The following FHIT variants were observed in gnomAD, a reference collection of about 807,000 sequenced individuals.
FHIT encodes fragile histidine triad diadenosine triphosphatase.
In FHIT, 19 loss-of-function variants were observed where a neutral mutation model predicts 17.9. The ratio of observed to expected loss-of-function variants is 1.06; its 90% CI spans 0.74 to 1.56. The LOEUF is 1.56. Ranked by LOEUF, FHIT falls within the 40% of genes most tolerant of loss-of-function variation. The pLI is 0.00. For missense variants in FHIT, 248 were observed against 189.2 expected, an observed-to-expected ratio of 1.31 and a Z score of -1.82; for synonymous variants, 81 against 69.7, an observed-to-expected ratio of 1.16 and a Z score of -0.81.
At chr3:60,885,590 G>C (rs1705188183) in intron 3 of FHIT, among the ~76,000 whole-genome samples, 2 of 152,086 alleles carry the variant, frequency 1.3e-5, no homozygotes, top group Admixed American at 1.3e-4. Context: ...CAGTCTCCCA[G>C]CCAAGGTCTA....
At chr3:60,632,210 G>C (rs2039463492) in intron 4 of FHIT, among the ~76,000 whole-genome samples, 2 of 152,026 alleles carry the variant, frequency 1.3e-5, no homozygotes, top group South Asian at 4.1e-4. Flanking sequence ...GTTCCTCTAA[G>C]AGTGGTTAGT....
At position 60,123,983 on chromosome 3, in the gene FHIT, T is replaced by TAC. The variant is rs1559653350; in HGVS notation, c.104-109832_104-109831insGT. 4.5e-4 allele frequency among the ~76,000 whole-genome samples: 18 copies of TAC among 40,002 alleles called. 1 individual carries two copies. Among genetic ancestry groups the TAC allele is most frequent in the African/African-American group, 1.6e-3 (17 of 10,570 alleles). 26.2% of individuals were successfully genotyped at this position (40,002 alleles called of 152,430 possible). ...TGCACTAAAAATATATATATATATA[T>TAC]ATATATATATATATATATATATATA... On this transcript the variant is annotated intron_variant, in intron 5 of 9. Coordinates refer to ENST00000492590, the MANE Select transcript of FHIT (RefSeq NM_002012.4).
rs1258839522 is a variant in FHIT at position 59,924,998 on chromosome 3, T to C, written c.280-2584A>G. 2.0e-5 allele frequency among the ~76,000 whole-genome samples: 3 copies of C among 150,360 alleles called. No individual in the cohort carries two copies. The East Asian group carries it at 6.7e-4, about 33-fold the overall frequency. ...CCCTACTGCATTATGTGTAGACTCT[T>C]TGTCTCTTTTCTTGTTTTTTCCTCT... On this transcript the variant is annotated intron_variant, in intron 7 of 9. Transcript: ENST00000492590.
intron 8 of FHIT, among the ~76,000 whole-genome samples, chr3:59,920,046 G>C (rs1329230564): frequency 1.3e-5 from 2 of 152,178 alleles, no homozygotes; most frequent in African/African-American, 2.4e-5. Context: ...TGGAAAGAAT[G>C]GTAGATGGGA....
At chr3:59,784,359 A>T (rs2106895551) in intron 8 of FHIT, among the ~76,000 whole-genome samples, 1 of 152,310 alleles carries the variant, frequency 6.6e-6, no homozygotes, top group East Asian at 1.9e-4. Context: ...TTGAAATGCA[A>T]ATCAGATGGT....
chr3:60,295,832 G>C (rs535382460), intron 5 of FHIT, among the ~76,000 whole-genome samples: 5 of 152,230 alleles, frequency 3.3e-5, no homozygotes, highest in South Asian at 2.1e-4. Flanking sequence ...TAACGCAGCT[G>C]GGCATACATA....
intron 5 of FHIT, among the ~76,000 whole-genome samples, chr3:60,024,746 A>C (rs145869430): frequency 1.9e-4 from 29 of 152,380 alleles, no homozygotes; most frequent in African/African-American, 6.5e-4. Flanking sequence ...GGTGGCTGTG[A>C]ACTAGGCCCA....
intron 5 of FHIT, among the ~76,000 whole-genome samples, chr3:60,328,775 T>C (rs1709824492): frequency 6.6e-6 from 1 of 152,196 alleles, no homozygotes; most frequent in African/African-American, 2.4e-5. Context: ...GCCAAAAATG[T>C]GTCTTGATTA....
intron 5 of FHIT, among the ~76,000 whole-genome samples, chr3:60,138,244 T>C (rs187297687): frequency 6.6e-6 from 1 of 152,244 alleles, no homozygotes; most frequent in Non-Finnish European, 1.5e-5. Flanking sequence ...CCATGAAAAG[T>C]GATTGATGCT....
At chr3:60,317,631 G>A (rs1288158038) in intron 5 of FHIT, among the ~76,000 whole-genome samples, 1 of 143,232 alleles carries the variant, frequency 7.0e-6, no homozygotes, top group African/African-American at 2.6e-5. Flanking sequence ...GTGTGTGTGT[G>A]TGTGTATATA....
chr3:61,012,422 C>T (rs992946673), intron 3 of FHIT, among the ~76,000 whole-genome samples: 1 of 152,006 alleles, frequency 6.6e-6, no homozygotes, highest in Non-Finnish European at 1.5e-5. Flanking sequence ...TGAGAAATTA[C>T]TATATGATTT....
Position 59,877,885 on chromosome 3 carries a change from G to C in FHIT, c.348+44461C>G, listed in dbSNP as rs1025309490. 7.9e-5 allele frequency among the ~76,000 whole-genome samples: 12 copies of C among 152,300 alleles called. No homozygotes were observed. In the East Asian group the frequency reaches 2.1e-3, roughly 27 times the overall value. ...TGAGTTGGATAACCATGAATGGTGA[G>C]TCAGATGAGAAAGAAAATGCAACAG... On this transcript the variant is annotated intron_variant, in intron 8 of 9. Transcript: ENST00000492590.
chr3:60,179,356 C>T (rs1452814636), intron 5 of FHIT, among the ~76,000 whole-genome samples: 1 of 152,206 alleles, frequency 6.6e-6, no homozygotes, highest in Non-Finnish European at 1.5e-5. Context: ...AATCTTTTCA[C>T]ACTATGCATA....
At chr3:60,377,763 G>T (rs1384766043) in intron 5 of FHIT, among the ~76,000 whole-genome samples, 1 of 151,414 alleles carries the variant, frequency 6.6e-6, no homozygotes, top group Non-Finnish European at 1.5e-5. Context: ...TTACAGGCGT[G>T]AGCCACCGCG....
At chr3:60,795,697 T>C (rs1041916747) in intron 4 of FHIT, among the ~76,000 whole-genome samples, 3 of 152,124 alleles carry the variant, frequency 2.0e-5, no homozygotes, top group Admixed American at 6.5e-5. Flanking sequence ...GTATTTTTTG[T>C]AGAGATGGGG....
At chr3:60,786,155 G>T (rs782153297) in intron 4 of FHIT, among the ~76,000 whole-genome samples, 2 of 152,142 alleles carry the variant, frequency 1.3e-5, no homozygotes, top group African/African-American at 2.4e-5. Flanking sequence ...CTGGGCTGAA[G>T]TCCCAGGCGT....
At chr3:59,789,528 T>C (rs1699461368) in intron 8 of FHIT, among the ~76,000 whole-genome samples, 1 of 152,216 alleles carries the variant, frequency 6.6e-6, no homozygotes, top group African/African-American at 2.4e-5. Context: ...ACTTAACTCA[T>C]TGCCTTTTAT....
intron 7 of FHIT, among the ~76,000 whole-genome samples, chr3:59,925,999 C>A (rs1053602255): frequency 1.3e-5 from 2 of 152,208 alleles, no homozygotes; most frequent in African/African-American, 4.8e-5. Context: ...TCACAACTTA[C>A]TTTTCTAAGT....
At chr3:60,833,638 C>T (rs1702413398) in intron 3 of FHIT, among the ~76,000 whole-genome samples, 1 of 152,054 alleles carries the variant, frequency 6.6e-6, no homozygotes, top group African/African-American at 2.4e-5. Context: ...CAGAGAAGGT[C>T]CATATGCCCT....
Sources: allele counts gnomAD v4.1 joint callset (sites outside exome capture counted in the v4.1 genomes callset), GRCh38; gene constraint gnomAD v4.1.1; transcripts MANE v1.5; gene names NCBI Gene and HGNC (gene_info 2026-07-23, HGNC 2026-07-21).